Variants in JMJD1C observed in about 807,000 individuals in gnomAD.
JMJD1C encodes the protein jumonji domain containing 1C, also known as jumonji domain-containing protein 1C.
Under a neutral mutation model 245.3 loss-of-function variants are expected in JMJD1C, and 31 were observed. The observed-to-expected ratio is 0.13, with a 90% CI of 0.09 to 0.17. JMJD1C has a LOEUF of 0.17. Among genes scored for constraint, JMJD1C ranks in the 10% least tolerant of loss-of-function variants. The pLI is 1.00. For synonymous variants in JMJD1C, 1,057 were observed against 1,017.4 expected, an observed-to-expected ratio of 1.04 and a Z score of -0.74; for missense variants, 2,691 against 3,000.2, an observed-to-expected ratio of 0.90 and a Z score of 2.41.
intron 1 of JMJD1C, among the ~76,000 whole-genome samples, chr10:63,429,447 A>G (rs142052714): frequency 2.8e-4 from 43 of 152,316 alleles, no homozygotes; most frequent in African/African-American, 9.6e-4. Context: ...TTTTTCTCAC[A>G]ACTCATTTAT....
intron 3 of JMJD1C, among the ~76,000 whole-genome samples, chr10:63,233,355 C>A (rs1850246402): frequency 6.6e-6 from 1 of 152,000 alleles, no homozygotes; most frequent in Admixed American, 6.6e-5. Context: ...CATTTTAACT[C>A]TTAGAAAAGC....
At chr10:63,227,287 C>T (rs1390957988) in intron 3 of JMJD1C, among the ~76,000 whole-genome samples, 1 of 152,062 alleles carries the variant, frequency 6.6e-6, no homozygotes, top group Non-Finnish European at 1.5e-5. Flanking sequence ...CAACTCATTT[C>T]CTAAGATAAT....
intron 1 of JMJD1C, among the ~76,000 whole-genome samples, chr10:63,486,912 A>G (rs1954018136): frequency 6.6e-6 from 1 of 152,214 alleles, no homozygotes; most frequent in South Asian, 2.1e-4. Context: ...CATGATTTCT[A>G]TCATTAACAG....
At chr10:63,521,308 GGT>G (rs5785576) in intron 1 of JMJD1C, 148,346 of 148,354 alleles carry the variant, frequency 1, 74,169 homozygotes, top group Middle Eastern at 1. Flanking sequence ...GCAGGGGCGG[GGT>G]GCTGTCCGGA....
chr10:63,478,729 C>T (rs753115231), intron 1 of JMJD1C, among the ~76,000 whole-genome samples: 5 of 152,102 alleles, frequency 3.3e-5, no homozygotes, highest in Admixed American at 6.6e-5. Context: ...TACTGGCAAC[C>T]GGGAAGCTCA....
chr10:63,403,539 T>C (rs994825330), intron 1 of JMJD1C, among the ~76,000 whole-genome samples: 2 of 152,202 alleles, frequency 1.3e-5, no homozygotes, highest in African/African-American at 4.8e-5. Flanking sequence ...GAGGGCTGTT[T>C]TAAGGATTAA....
chr10:63,492,523 GGGCGTGGT>G (rs879426594), intron 1 of JMJD1C, among the ~76,000 whole-genome samples: 105 of 152,012 alleles, frequency 6.9e-4, no homozygotes, highest in African/African-American at 2.0e-3. Flanking sequence ...AAAATTAGCT[GGGCGTGGT>G]GGCGTGGTGG....
intron 10 of JMJD1C, among the ~76,000 whole-genome samples, chr10:63,206,259 A>G (rs1846606461): frequency 6.6e-6 from 1 of 152,228 alleles, no homozygotes; most frequent in African/African-American, 2.4e-5. Context: ...TGTGACAGCC[A>G]TAACTGCATT....
At chr10:63,202,588 G>A (rs141769720) in intron 10 of JMJD1C, 509 of 985,326 alleles carry the variant, frequency 5.2e-4, no homozygotes, top group Non-Finnish European at 5.8e-4. Flanking sequence ...TTGCTGCCTC[G>A]TTCTTTACAA....
At chr10:63,440,828 A>ACTGCTT (rs1951338952) in intron 1 of JMJD1C, among the ~76,000 whole-genome samples, 1 of 152,202 alleles carries the variant, frequency 6.6e-6, no homozygotes, top group Non-Finnish European at 1.5e-5. Flanking sequence ...CACTGTGGTA[A>ACTGCTT]CTGCTTCATA....
rs921228374 is a variant in JMJD1C at position 63,228,102 on chromosome 10, G to T, written c.448-8119C>A. On this transcript the variant is annotated intron_variant, in intron 3 of 25. Transcript: ENST00000399262. Reference sequence around the variant, plus strand: ...TGTATTTTCATGAATTATAATAAGGGCTAGCAAACATTTTTTGTAAATGGC... The same window carrying T: ...TGTATTTTCATGAATTATAATAAGGTCTAGCAAACATTTTTTGTAAATGGC... 2.0e-5 allele frequency among the ~76,000 whole-genome samples: 3 copies of T among 152,034 alleles called. No individual in the cohort carries two copies. The East Asian group carries it at 5.8e-4, about 29-fold the overall frequency.
chr10:63,322,531 C>T (rs1940995472), intron 2 of JMJD1C, among the ~76,000 whole-genome samples: 1 of 152,090 alleles, frequency 6.6e-6, no homozygotes, highest in Non-Finnish European at 1.5e-5. Flanking sequence ...AAAAAATTTT[C>T]TGGCCAGGCA....
rs535254001 is a variant in JMJD1C, at chr10:63,460,232, A to G, written c.168+5263T>C. On this transcript the variant is annotated intron_variant, in intron 1 of 25. Transcript: ENST00000399262. ...AAATTTACAATTAAGAGTAAATAGT[A>G]AGGTCAGGTGTAGGTGGCACACACC... 1.1e-4 allele frequency among the ~76,000 whole-genome samples: 17 copies of G among 152,340 alleles called. No homozygotes were observed. The South Asian group carries it at 3.5e-3, about 32-fold the overall frequency.
intron 1 of JMJD1C, chr10:63,427,306 T>TGTAG: frequency 1.1e-6 from 1 of 874,688 alleles, no homozygotes; most frequent in Admixed American, 2.3e-5. Context: ...GATGGTGAAG[T>TGTAG]ATTTCCTGGG....
At chr10:63,320,109 T>C (rs1940664606) in intron 2 of JMJD1C, among the ~76,000 whole-genome samples, 1 of 152,214 alleles carries the variant, frequency 6.6e-6, no homozygotes, top group Admixed American at 6.6e-5. Flanking sequence ...TTTCACCATG[T>C]TGGCCAGGCT....
intron 2 of JMJD1C, among the ~76,000 whole-genome samples, chr10:63,269,587 A>G (rs527237250): frequency 1.3e-5 from 2 of 152,246 alleles, no homozygotes; most frequent in Non-Finnish European, 2.9e-5. Flanking sequence ...CGATTTATTT[A>G]TTAGTATAAC....
chr10:63,330,558 A>G lies in JMJD1C; in HGVS notation c.333+49760T>C, dbSNP rs548149979. Reference sequence around the variant, plus strand: ...GGAGAGAATCAAAGACAGTAAGAATATATCTACACTTTCTTCCTCTTAATG... The same window carrying G: ...GGAGAGAATCAAAGACAGTAAGAATGTATCTACACTTTCTTCCTCTTAATG... On this transcript the variant is annotated intron_variant, in intron 2 of 25. Transcript: ENST00000399262. Among the ~76,000 whole-genome samples, 25 of 152,296 alleles carry G rather than the reference A, an allele frequency of 1.6e-4. No homozygotes were observed. In the East Asian group the frequency reaches 2.5e-3, roughly 15 times the overall value.
In JMJD1C at chr10:63,344,734, CA is replaced by C. The variant is rs201749589; in HGVS notation, c.333+35583del. Among the ~76,000 whole-genome samples the C allele has an allele frequency of 7.5e-3, 1,116 of 149,430 alleles. 12 individuals are homozygous for C. Among genetic ancestry groups the C allele is most frequent in the African/African-American group, 0.025 (1,036 of 40,682 alleles). ...AAAATGATTTAAACAAGCATGTCTC[CA>C]AAAAAAAAATAGACGGTAAAAAAGT... On this transcript the variant is annotated intron_variant, in intron 2 of 25. Coordinates refer to ENST00000399262, the MANE Select transcript of JMJD1C (RefSeq NM_032776.3).
intron 3 of JMJD1C, among the ~76,000 whole-genome samples, chr10:63,249,588 C>A (rs1262106318): frequency 6.6e-6 from 1 of 151,864 alleles, no homozygotes; most frequent in African/African-American, 2.4e-5. Flanking sequence ...GGGCCGGGCA[C>A]AGTGGATCAT....
Sources: allele counts gnomAD v4.1 joint callset (sites outside exome capture counted in the v4.1 genomes callset), GRCh38; gene constraint gnomAD v4.1.1; transcripts MANE v1.5; gene names NCBI Gene and HGNC (gene_info 2026-07-23, HGNC 2026-07-21).